Variants in SLC4A4 observed in about 807,000 individuals in gnomAD.
SLC4A4 encodes electrogenic sodium bicarbonate cotransporter 1.
A neutral mutation model predicts 111.5 loss-of-function variants in SLC4A4; 27 were observed. The ratio of observed to expected loss-of-function variants is 0.24; its 90% CI spans 0.18 to 0.33. The LOEUF is 0.33. Ranked by LOEUF, SLC4A4 falls within the 10% of genes least tolerant of loss-of-function variation. SLC4A4 has a pLI of 1.00. For missense variants in SLC4A4, 909 were observed against 1,315.5 expected, an observed-to-expected ratio of 0.69 and a Z score of 4.78; for synonymous variants, 443 against 463.4, an observed-to-expected ratio of 0.96 and a Z score of 0.57.
At chr4:71,543,522 T>C (rs1419057815) in intron 18 of SLC4A4, among the ~76,000 whole-genome samples, 2 of 152,138 alleles carry the variant, frequency 1.3e-5, no homozygotes, top group Non-Finnish European at 2.9e-5. Context: ...TAGTCCATCA[T>C]CTAAAATCTT....
chr4:71,270,300 G>T (rs910038018), intron 3 of SLC4A4, among the ~76,000 whole-genome samples: 2 of 152,136 alleles, frequency 1.3e-5, no homozygotes, highest in Non-Finnish European at 2.9e-5. Context: ...ATGTTGGCCA[G>T]GCTGGTCTCG....
intron 3 of SLC4A4, among the ~76,000 whole-genome samples, chr4:71,278,052 A>G (rs1020315189): frequency 6.6e-6 from 1 of 152,130 alleles, no homozygotes; most frequent in Admixed American, 6.6e-5. Flanking sequence ...GAATTTATTC[A>G]TCTTATAACT....
At chr4:71,142,877 C>T (rs1343208958) in intron 2 of SLC4A4, among the ~76,000 whole-genome samples, 4 of 150,886 alleles carry the variant, frequency 2.7e-5, no homozygotes, top group African/African-American at 9.8e-5. Flanking sequence ...CCCAAAAATT[C>T]CTCCCACCTT....
intron 6 of SLC4A4, among the ~76,000 whole-genome samples, chr4:71,358,941 G>T (rs1021777982): frequency 2.0e-5 from 3 of 152,074 alleles, no homozygotes; most frequent in African/African-American, 7.2e-5. Context: ...TTTATCATGG[G>T]GTTGGGGGAA....
At chr4:71,542,868 A>G (rs892962595) in intron 18 of SLC4A4, among the ~76,000 whole-genome samples, 17 of 152,116 alleles carry the variant, frequency 1.1e-4, no homozygotes, top group African/African-American at 4.1e-4. Context: ...GGTCTAGCAG[A>G]GTGCCATTGA....
chr4:71,453,700 G>A (rs759419434), intron 12 of SLC4A4, 31 bp downstream of exon 12: 8 of 1,610,326 alleles, frequency 5.0e-6, no homozygotes, highest in Middle Eastern at 1.6e-4. Context: ...GACACAAATA[G>A]TACAGCCCAG....
intron 4 of SLC4A4, among the ~76,000 whole-genome samples, chr4:71,349,314 A>G (rs868148295): frequency 2.6e-5 from 4 of 152,208 alleles, no homozygotes; most frequent in East Asian, 1.9e-4. Context: ...TAAAATCACA[A>G]TAAGAGGGGA....
chr4:71,242,560 A>G (rs1014223566), intron 2 of SLC4A4, among the ~76,000 whole-genome samples: 1 of 152,106 alleles, frequency 6.6e-6, no homozygotes, highest in Middle Eastern at 3.2e-3. Flanking sequence ...AGAACTTCCA[A>G]CAGCAATTGC....
At chr4:71,195,230 G>GTTTTT (rs66527038) in intron 1 of SLC4A4, among the ~76,000 whole-genome samples, 2 of 93,196 alleles carry the variant, frequency 2.1e-5, no homozygotes, top group African/African-American at 4.0e-5. Context: ...CTGTATTTGA[G>GTTTTT]TTTTTTTTTT....
In SLC4A4 at chr4:71,512,522, GTATATTC is replaced by G. The variant is rs571971007; in HGVS notation, c.2166+14833_2166+14839del. On this transcript the variant is annotated intron_variant, in intron 16 of 25. Coordinates refer to ENST00000264485, the MANE Select transcript of SLC4A4 (RefSeq NM_001098484.3). ...TTTCTTTTCTTGAGTTAAGTACCTT[GTATATTC>G]TAAGGTTAGTCCCTTGTTGGATGAA... is the stretch of plus-strand genomic sequence containing the variant. Among the ~76,000 whole-genome samples, 43 of 152,116 alleles carry G rather than the reference GTATATTC, an allele frequency of 2.8e-4. No individual in the cohort carries two copies. In the East Asian group the frequency reaches 7.5e-3, roughly 27 times the overall value.
At chr4:71,244,895 T>C (rs935860581) in intron 2 of SLC4A4, among the ~76,000 whole-genome samples, 79 of 152,006 alleles carry the variant, frequency 5.2e-4, no homozygotes, top group Non-Finnish European at 5.0e-4. Context: ...ACTAGGACCA[T>C]GATTATTGTT....
chr4:71,085,181 C>T (rs886861499), intron 1 of SLC4A4, among the ~76,000 whole-genome samples: 3 of 152,044 alleles, frequency 2.0e-5, no homozygotes, highest in African/African-American at 7.3e-5. Context: ...TTTCATGTGT[C>T]TTTTGGCTGC....
chr4:71,265,186 A>T (rs943492273), intron 3 of SLC4A4, among the ~76,000 whole-genome samples: 1 of 152,178 alleles, frequency 6.6e-6, no homozygotes, highest in Non-Finnish European at 1.5e-5. Context: ...ATTTTTGTGT[A>T]TAGGAAGAAG....
At chr4:71,236,709 A>T in intron 2 of SLC4A4, 60 bp downstream of exon 2, 2 of 1,330,196 alleles carry the variant, frequency 1.5e-6, no homozygotes, top group Non-Finnish European at 2.2e-6. Context: ...ATAGATAATA[A>T]CATTCATGCA....
intron 6 of SLC4A4, among the ~76,000 whole-genome samples, chr4:71,394,681 C>A (rs979176816): frequency 1.3e-5 from 2 of 152,046 alleles, no homozygotes; most frequent in African/African-American, 4.8e-5. Context: ...AACTCGAATG[C>A]CCATCAGTCG....
At chr4:71,528,931 A>G in intron 16 of SLC4A4, among the ~76,000 whole-genome samples, 1 of 152,060 alleles carries the variant, frequency 6.6e-6, no homozygotes, top group South Asian at 2.1e-4. Context: ...AGTAGAATTG[A>G]AAAACATTTT....
At chr4:71,356,782 G>C (rs375091278) in intron 5 of SLC4A4, among the ~76,000 whole-genome samples, 1 of 151,736 alleles carries the variant, frequency 6.6e-6, no homozygotes, top group African/African-American at 2.4e-5. Flanking sequence ...ATCATATCTG[G>C]GCCTGAAAAA....
At chr4:71,318,599 G>T (rs1726878838) in intron 3 of SLC4A4, among the ~76,000 whole-genome samples, 1 of 151,934 alleles carries the variant, frequency 6.6e-6, no homozygotes. Flanking sequence ...TTCTGTTTAG[G>T]GAATTCATTT....
intron 3 of SLC4A4, among the ~76,000 whole-genome samples, chr4:71,280,352 G>T (rs1367600089): frequency 6.6e-6 from 1 of 152,102 alleles, no homozygotes; most frequent in East Asian, 1.9e-4. Flanking sequence ...TTCATAGGTT[G>T]CTTATTTTGC....
Sources: gnomAD v4.1 joint callset for allele counts (sites outside exome capture counted in the v4.1 genomes callset) on GRCh38, gnomAD v4.1.1 for gene constraint, MANE v1.5 for transcripts, NCBI Gene and HGNC (gene_info 2026-07-23, HGNC 2026-07-21) for gene names.